The following PTK2 variants were observed in gnomAD, a reference collection of about 807,000 sequenced individuals.
PTK2 encodes the protein focal adhesion kinase 1.
A neutral mutation model predicts 150.1 loss-of-function variants in PTK2; 45 were observed. That is an observed-to-expected ratio of 0.30 (90% CI 0.24 to 0.38). The LOEUF (loss-of-function observed/expected upper bound fraction) is 0.38. Ranked by LOEUF, PTK2 falls within the 10% of genes least tolerant of loss-of-function variation. PTK2 has a pLI of 1.00. For synonymous variants in PTK2, 432 were observed against 449.2 expected (o/e 0.96, Z 0.48); for missense variants, 919 against 1,307.3 (o/e 0.70, Z 4.58).
Position 140,824,972 on chromosome 8 carries a change from T to C in PTK2, c.648+5500A>G, listed in dbSNP as rs150453971. Among the ~76,000 whole-genome samples, 4 of 152,352 alleles carry C rather than the reference T, an allele frequency of 2.6e-5. No homozygotes were observed. The East Asian group carries it at 5.8e-4, about 22-fold the overall frequency. On this transcript the variant is annotated intron_variant, in intron 8 of 31. Transcript: ENST00000522684. ...AAGAAACTGCTGCTATTCATCCATG[T>C]TGAGCTACAAAAATAACTTCCTATT...
chr8:140,812,021 A>T (rs1299169086), intron 10 of PTK2, among the ~76,000 whole-genome samples: 3 of 152,212 alleles, frequency 2.0e-5, no homozygotes, highest in African/African-American at 7.2e-5. Flanking sequence ...AAGTTCCCCA[A>T]CCTAGCTAGA....
intron 22 of PTK2, among the ~76,000 whole-genome samples, chr8:140,734,388 TTCAAC>T (rs2100051319): frequency 6.6e-6 from 1 of 152,204 alleles, no homozygotes; most frequent in Non-Finnish European, 1.5e-5. Context: ...TTCAATTCAA[TTCAAC>T]AAATGTTTAT....
intron 2 of PTK2, among the ~76,000 whole-genome samples, chr8:140,903,476 G>T (rs1028106502): frequency 1.3e-5 from 2 of 152,094 alleles, no homozygotes; most frequent in African/African-American, 4.8e-5. Context: ...GGATTGAGTT[G>T]GCTATGCGGG....
intron 31 of PTK2, among the ~76,000 whole-genome samples, chr8:140,664,562 A>G (rs1295551970): frequency 1.3e-5 from 2 of 152,166 alleles, no homozygotes; most frequent in Non-Finnish European, 2.9e-5. Context: ...GCATTCTTCT[A>G]CCTTTTAGGT....
intron 7 of PTK2, chr8:140,832,848 A>T (rs1369945482): frequency 1.9e-6 from 1 of 518,856 alleles, no homozygotes; most frequent in Non-Finnish European, 3.8e-6. Flanking sequence ...CCCTTCTAGT[A>T]GGGATTTCAA....
intron 14 of PTK2, among the ~76,000 whole-genome samples, chr8:140,774,656 T>C (rs1595044175): frequency 6.6e-6 from 1 of 151,950 alleles, no homozygotes; most frequent in African/African-American, 2.4e-5. Flanking sequence ...AGACAGGAGG[T>C]TGATAGAAGA....
chr8:140,697,395 AG>A (rs1197567929), intron 26 of PTK2, among the ~76,000 whole-genome samples: 2 of 150,826 alleles, frequency 1.3e-5, no homozygotes, highest in Non-Finnish European at 2.9e-5. Context: ...ATCTAGCTAC[AG>A]GAAGTTCTTA....
intron 5 of PTK2, among the ~76,000 whole-genome samples, chr8:140,854,826 C>T (rs1261594949): frequency 6.6e-6 from 1 of 152,062 alleles, no homozygotes; most frequent in Non-Finnish European, 1.5e-5. Flanking sequence ...CCAAAATGGA[C>T]TTGGATGAAT....
rs1353141763 is a variant in PTK2 at position 140,664,300 on chromosome 8, T to C, written c.2946+617A>G. Among the ~76,000 whole-genome samples, 25 of 152,126 alleles carry C rather than the reference T, an allele frequency of 1.6e-4. 1 individual carries two copies. Among genetic ancestry groups the C allele is most frequent in the Admixed American group, 1.6e-3 (25 of 15,266 alleles). On this transcript the variant is annotated intron_variant, in intron 31 of 31. Coordinates refer to ENST00000522684, the Ensembl canonical transcript of PTK2. ...CCTGGCCTGGAATTTTTTAAGACAA[T>C]AATTTTATTTATTAATTTTTTGGTA...
intron 23 of PTK2, among the ~76,000 whole-genome samples, chr8:140,715,087 A>G (rs2100038878): frequency 7.3e-6 from 1 of 137,306 alleles, no homozygotes. Context: ...ACATATTAGT[A>G]TTTGTTAATA....
intron 1 of PTK2, among the ~76,000 whole-genome samples, chr8:140,977,990 C>G (rs2100189932): frequency 1.3e-5 from 2 of 152,036 alleles, no homozygotes; most frequent in African/African-American, 2.4e-5. Flanking sequence ...ACAAATCTGA[C>G]AAAAACAAGA....
chr8:140,995,337 C>A (rs1411866598), intron 1 of PTK2, among the ~76,000 whole-genome samples: 4 of 146,116 alleles, frequency 2.7e-5, no homozygotes, highest in African/African-American at 1.0e-4. Flanking sequence ...GAGCCGAGAT[C>A]GCACCACTGC....
intron 1 of PTK2, among the ~76,000 whole-genome samples, chr8:140,973,665 G>C (rs966834085): frequency 6.6e-6 from 1 of 152,114 alleles, no homozygotes; most frequent in African/African-American, 2.4e-5. Flanking sequence ...CTTAAACTAA[G>C]TTATTTCTGC....
intron 21 of PTK2, 24 bp downstream of exon 24, chr8:140,738,994 T>C: frequency 2.1e-6 from 3 of 1,436,168 alleles, no homozygotes; most frequent in Non-Finnish European, 2.8e-6. Context: ...TTTTAAAGAA[T>C]ACAAAACTTT....
intron 1 of PTK2, among the ~76,000 whole-genome samples, chr8:140,933,042 GGT>G (rs1409482870): frequency 6.6e-6 from 1 of 151,946 alleles, no homozygotes; most frequent in Non-Finnish European, 1.5e-5. Flanking sequence ...GTAGAGATGG[GGT>G]TTCACCATGT....
At chr8:140,721,986 C>T (rs1284102832) in intron 22 of PTK2, among the ~76,000 whole-genome samples, 3 of 152,160 alleles carry the variant, frequency 2.0e-5, no homozygotes, top group Non-Finnish European at 4.4e-5. Context: ...TACCTGAAGG[C>T]CCATTTTCAA....
intron 1 of PTK2, among the ~76,000 whole-genome samples, chr8:140,955,642 C>T (rs1456615474): frequency 6.6e-6 from 1 of 152,028 alleles, no homozygotes; most frequent in African/African-American, 2.4e-5. Flanking sequence ...AGATAGAAAC[C>T]GAACAAACAG....
intron 1 of PTK2, among the ~76,000 whole-genome samples, chr8:140,954,473 G>A (rs868082453): frequency 1.3e-5 from 2 of 152,152 alleles, no homozygotes; most frequent in Non-Finnish European, 2.9e-5. Context: ...GATTCAATTA[G>A]TAATTGTAAC....
intron 8 of PTK2, among the ~76,000 whole-genome samples, chr8:140,823,657 T>A (rs1462514745): frequency 6.6e-6 from 1 of 152,184 alleles, no homozygotes; most frequent in Non-Finnish European, 1.5e-5. Flanking sequence ...CTGAACTTAC[T>A]CTTTCCTATA....
Sources: gnomAD v4.1 joint callset for allele counts (sites outside exome capture counted in the v4.1 genomes callset) on GRCh38, gnomAD v4.1.1 for gene constraint, MANE v1.5 for transcripts, NCBI Gene and HGNC (gene_info 2026-07-23, HGNC 2026-07-21) for gene names.